The following FARP1 variants were observed in gnomAD, a reference collection of about 807,000 sequenced individuals.
FARP1 encodes the protein FERM, ARHGEF and pleckstrin domain-containing protein 1.
FARP1 carries 52 observed loss-of-function variants against 128.8 expected under a neutral mutation model. The observed-to-expected ratio is 0.40, with a 90% CI of 0.32 to 0.51. The LOEUF is 0.51. Ranked by LOEUF, FARP1 falls within the 20% of genes least tolerant of loss-of-function variation. The probability of loss-of-function intolerance (pLI) is 0.45; values close to 1 mark genes in which losing one functional copy is unlikely to be tolerated. For missense variants in FARP1, 1,333 were observed against 1,367.9 expected (o/e 0.97, Z 0.40); for synonymous variants, 580 against 551.8 (o/e 1.05, Z -0.72).
intron 2 of FARP1, chr13:98,244,972 T>G: frequency 3.2e-6 from 4 of 1,231,202 alleles, no homozygotes; most frequent in Non-Finnish European, 4.1e-6. Context: ...GCTTTTCTGC[T>G]GTGGGTTGTT....
intron 1 of FARP1, among the ~76,000 whole-genome samples, chr13:98,202,766 T>C (rs1005042170): frequency 6.6e-6 from 1 of 152,136 alleles, no homozygotes; most frequent in African/African-American, 2.4e-5. Flanking sequence ...GTTGCCCGGA[T>C]TGGAGTGCAG....
chr13:98,366,493 AGATC>A (rs1487554874), intron 4 of FARP1, among the ~76,000 whole-genome samples: 8 of 152,220 alleles, frequency 5.3e-5, no homozygotes, highest in Non-Finnish European at 8.8e-5. Flanking sequence ...AGAGTCTAGG[AGATC>A]GACATTTGTC....
chr13:98,172,591 C>T (rs774089720), intron 1 of FARP1, among the ~76,000 whole-genome samples: 3 of 152,086 alleles, frequency 2.0e-5, no homozygotes, highest in Admixed American at 6.5e-5. Context: ...TTAACCTGCC[C>T]GCTTCCTGGT....
intron 3 of FARP1, chr13:98,345,352 T>C (rs2139883154): frequency 6.7e-6 from 1 of 149,502 alleles, no homozygotes; most frequent in Admixed American, 6.7e-5. Context: ...AATTTCCCCA[T>C]GTCTGAATCT....
chr13:98,161,198 A>G (rs1269117491), intron 1 of FARP1, among the ~76,000 whole-genome samples: 1 of 147,708 alleles, frequency 6.8e-6, no homozygotes, highest in East Asian at 2.0e-4. Context: ...TTTCCCCTCC[A>G]TTATCTTGCT....
intron 24 of FARP1, among the ~76,000 whole-genome samples, chr13:98,444,048 G>T (rs1484881198): frequency 3.3e-5 from 5 of 152,044 alleles, no homozygotes; most frequent in African/African-American, 1.2e-4. Flanking sequence ...GGGTTCCTTT[G>T]GGAGGCCTTG....
intron 1 of FARP1, among the ~76,000 whole-genome samples, chr13:98,153,325 A>G (rs1298773227): frequency 1.9e-4 from 2 of 10,716 alleles, no homozygotes; most frequent in Non-Finnish European, 3.7e-4. Context: ...ATATATAAAT[A>G]ATATAATATA....
chr13:98,387,747 G>T (rs1381510309), intron 8 of FARP1, among the ~76,000 whole-genome samples: 1 of 152,220 alleles, frequency 6.6e-6, no homozygotes, highest in Non-Finnish European at 1.5e-5. Context: ...CACACAGCAG[G>T]CCTGGCCTCC....
intron 2 of FARP1, among the ~76,000 whole-genome samples, chr13:98,242,246 C>T (rs760180081): frequency 2.6e-5 from 4 of 152,132 alleles, no homozygotes; most frequent in Non-Finnish European, 4.4e-5. Flanking sequence ...CCCTCGAGGC[C>T]GTAGGGACCG....
intron 11 of FARP1, among the ~76,000 whole-genome samples, chr13:98,392,773 TG>T (rs1184217997): frequency 6.6e-6 from 1 of 152,078 alleles, no homozygotes; most frequent in African/African-American, 2.4e-5. Flanking sequence ...ACCACAAATC[TG>T]TGGTGCTTTC....
In FARP1 at chr13:98,259,129, C is replaced by T. The variant is rs868679633; in HGVS notation, c.171+45716C>T. Among the ~76,000 whole-genome samples, 12 of 152,144 alleles carry T rather than the reference C, an allele frequency of 7.9e-5. 1 individual carries two copies. Among genetic ancestry groups the T allele is most frequent in the Admixed American group, 5.2e-4 (8 of 15,286 alleles). On this transcript the variant is annotated intron_variant, in intron 2 of 26. Coordinates refer to ENST00000319562, the MANE Select transcript of FARP1 (RefSeq NM_005766.4). ...CAGCGGCTGAGGTGGGAGGATTGCT[C>T]GAGCCTGGGAGGTCGAGGCTGCAGT... is the stretch of plus-strand genomic sequence containing the variant.
intron 2 of FARP1, among the ~76,000 whole-genome samples, chr13:98,331,490 AAGTTTTATTTTAT>A (rs1446785559): frequency 6.6e-6 from 1 of 152,126 alleles, no homozygotes; most frequent in Non-Finnish European, 1.5e-5. Flanking sequence ...GGGGAAGTTT[AAGTTTTATTTTAT>A]AGTGATTAAA....
chr13:98,375,908 C>T (rs760933718), intron 5 of FARP1, among the ~76,000 whole-genome samples: 7 of 152,040 alleles, frequency 4.6e-5, no homozygotes. Flanking sequence ...GGAGCCACAG[C>T]GTGCGGCCCC....
chr13:98,442,668 G>A (rs1892573667), intron 24 of FARP1, among the ~76,000 whole-genome samples: 1 of 152,216 alleles, frequency 6.6e-6, no homozygotes, highest in Admixed American at 6.5e-5. Context: ...ACTTCTCCCA[G>A]GGGATGGGGA....
chr13:98,254,459 G>A (rs1883490236), intron 2 of FARP1, among the ~76,000 whole-genome samples: 1 of 152,084 alleles, frequency 6.6e-6, no homozygotes, highest in African/African-American at 2.4e-5. Context: ...AGACAGTTTT[G>A]GGCATCTAGT....
At chr13:98,258,624 T>C (rs183483990) in intron 2 of FARP1, among the ~76,000 whole-genome samples, 124 of 151,780 alleles carry the variant, frequency 8.2e-4, no homozygotes, top group Admixed American at 2.1e-3. Context: ...GAGGCCGAGG[T>C]TGGAGGATCT....
At position 98,446,658 on chromosome 13, in the gene FARP1, C is replaced by G. The variant is rs568885859; in HGVS notation, c.2905-8C>G. ...GAAAAGCCACTTTGCTTTGTTTCCC[C>G]TTTCCAGGACAATCATCCCCTTGCC... On this transcript the variant is annotated splice_region_variant and splice_polypyrimidine_tract_variant and intron_variant, in intron 25 of 26. Transcript: ENST00000319562. 6.2e-7 allele frequency: 1 copy of G among 1,613,876 alleles called. No homozygotes were observed. Among genetic ancestry groups the G allele is most frequent in the Non-Finnish European group, 8.5e-7 (1 of 1,179,810 alleles).
At chr13:98,446,917 T>TTG in intron 26 of FARP1, 100 bp downstream of exon 26, 1 of 1,272,598 alleles carries the variant, frequency 7.9e-7, no homozygotes, top group Non-Finnish European at 1.1e-6. Context: ...GGCCCCACCC[T>TTG]TCCCTGCCAA....
Position 98,435,611 on chromosome 13 carries a change from C to T in FARP1, c.2179C>T (p.Leu727Phe). 1.2e-6 allele frequency: 2 copies of T among 1,613,842 alleles called. No individual in the cohort carries two copies. The highest frequency in any genetic ancestry group is 1.7e-6 in the Non-Finnish European group (2 of 1,179,866). The change falls in exon 19 of 27, where the codon CTC becomes TTC. Residue 727 changes from leucine to phenylalanine, a missense_variant. Coordinates refer to ENST00000319562, the MANE Select transcript of FARP1 (RefSeq NM_005766.4). ...AGAGATCACGGAGATGGTGGCACAGCTCCACGGTACGATGATCAAGATGGA... is the reference window on the plus strand; with the variant it reads ...AGAGATCACGGAGATGGTGGCACAGTTCCACGGTACGATGATCAAGATGGA... ...LAEITEMVAQLHGTMIKMENF... is the reference protein window; with the variant it reads ...LAEITEMVAQFHGTMIKMENF...
Sources: allele counts gnomAD v4.1 joint callset (sites outside exome capture counted in the v4.1 genomes callset), GRCh38; gene constraint gnomAD v4.1.1; transcripts MANE v1.5; gene names NCBI Gene and HGNC (gene_info 2026-07-23, HGNC 2026-07-21).